ARHGAP20: variants seen among roughly 807,000 people sequenced by gnomAD.
ARHGAP20 encodes Rho GTPase activating protein 20, also known as rho GTPase-activating protein 20.
ARHGAP20 carries 34 observed loss-of-function variants against 73.7 expected under a neutral mutation model. That is an observed-to-expected ratio of 0.46 (90% CI 0.35 to 0.61). ARHGAP20 has a LOEUF of 0.61. Among genes scored for constraint, ARHGAP20 ranks in the 20% least tolerant of loss-of-function variants. The pLI, the probability that ARHGAP20 is intolerant of heterozygous loss-of-function variation, is 0.00. For synonymous variants in ARHGAP20, 523 were observed against 518.2 expected, an observed-to-expected ratio of 1.01 and a Z score of -0.13; for missense variants, 1,314 against 1,420.9, an observed-to-expected ratio of 0.92 and a Z score of 1.21.
rs147165727 is a variant in ARHGAP20, at chr11:110,584,972, A to AATATGAAT, written c.1416-1236_1416-1235insATTCATAT. Among the ~76,000 whole-genome samples the AATATGAAT allele has an allele frequency of 1.1e-3, 161 of 145,922 alleles. 1 individual carries two copies. The highest frequency in any genetic ancestry group is 3.7e-3 in the Middle Eastern group (1 of 270). ...ATATATGAATATATGTGAATATATGAATATATATGTGAAAATATATATGAA... is the reference window on the plus strand; with the variant it reads ...ATATATGAATATATGTGAATATATGAATATGAATATATATATGTGAAAATATATATGAA... On this transcript the variant is annotated intron_variant, in intron 12 of 14. Coordinates refer to ENST00000683387, the MANE Select transcript of ARHGAP20 (RefSeq NM_001384657.1).
intron 2 of ARHGAP20, among the ~76,000 whole-genome samples, chr11:110,683,949 G>C (rs537230212): frequency 6.6e-6 from 1 of 152,132 alleles, no homozygotes; most frequent in African/African-American, 2.4e-5. Flanking sequence ...CCTTATAAAA[G>C]AAGTACAAGG....
At chr11:110,650,189 T>C (rs1190343095) in intron 2 of ARHGAP20, among the ~76,000 whole-genome samples, 2 of 152,130 alleles carry the variant, frequency 1.3e-5, no homozygotes, top group African/African-American at 2.4e-5. Context: ...AGCTGGATGG[T>C]AAGCTCCTAG....
intron 4 of ARHGAP20, among the ~76,000 whole-genome samples, chr11:110,623,765 A>G (rs1948677828): frequency 6.7e-6 from 1 of 150,136 alleles, no homozygotes; most frequent in Non-Finnish European, 1.5e-5. Flanking sequence ...AAATACCTAC[A>G]TATTAAGGAA....
chr11:110,578,908 A>C lies in ARHGAP20; in HGVS notation c.*462T>G. Reference sequence around the variant, plus strand: ...TGTTCTTCATTACTGGACACACTTAATGCTTTGATTAGTGGCATTTTTCTT... The same window carrying C: ...TGTTCTTCATTACTGGACACACTTACTGCTTTGATTAGTGGCATTTTTCTT... On this transcript the variant is annotated 3_prime_UTR_variant, in exon 15 of 15. Coordinates refer to ENST00000683387, the MANE Select transcript of ARHGAP20 (RefSeq NM_001384657.1). 2.0e-6 allele frequency: 2 copies of C among 987,128 alleles called. No homozygotes were observed. Among genetic ancestry groups the C allele is most frequent in the Non-Finnish European group, 1.2e-6 (1 of 831,024 alleles). The allele number at this position is 987,128 out of a possible 1,614,324, so 61.1% of individuals were successfully genotyped here.
At chr11:110,612,929 G>A (rs993880289) in intron 6 of ARHGAP20, among the ~76,000 whole-genome samples, 2 of 152,172 alleles carry the variant, frequency 1.3e-5, no homozygotes, top group Non-Finnish European at 2.9e-5. Context: ...CTACCAGAGT[G>A]TCATAGGTAT....
chr11:110,649,737 C>T (rs1212075129), intron 2 of ARHGAP20, among the ~76,000 whole-genome samples: 2 of 152,032 alleles, frequency 1.3e-5, no homozygotes, highest in African/African-American at 4.8e-5. Flanking sequence ...CTACTTATTG[C>T]AAAGCCAGAC....
chr11:110,608,830 T>G (rs776817402), intron 8 of ARHGAP20, among the ~76,000 whole-genome samples, 154 bp downstream of exon 8: 2 of 152,186 alleles, frequency 1.3e-5, no homozygotes, highest in Non-Finnish European at 2.9e-5. Context: ...GTCTAGCACA[T>G]AGTAAATCTT....
At chr11:110,710,674 C>A (rs1950631991) in intron 1 of ARHGAP20, among the ~76,000 whole-genome samples, 1 of 152,152 alleles carries the variant, frequency 6.6e-6, no homozygotes. Flanking sequence ...ACATCAAAGG[C>A]TGAGCTGGCA....
At chr11:110,646,657 CTATT>C (rs1372814323) in intron 2 of ARHGAP20, among the ~76,000 whole-genome samples, 4 of 152,042 alleles carry the variant, frequency 2.6e-5, no homozygotes, top group African/African-American at 9.7e-5. Context: ...AGATGGTTAT[CTATT>C]TGACAAAGGG....
intron 2 of ARHGAP20, among the ~76,000 whole-genome samples, chr11:110,659,914 G>C (rs1480713621): frequency 6.6e-6 from 1 of 151,676 alleles, no homozygotes; most frequent in Non-Finnish European, 1.5e-5. Context: ...TGGGGTGGGG[G>C]GAGTGGGGAG....
intron 2 of ARHGAP20, among the ~76,000 whole-genome samples, chr11:110,681,292 G>A (rs1950031760): frequency 6.6e-6 from 1 of 152,118 alleles, no homozygotes; most frequent in Non-Finnish European, 1.5e-5. Context: ...TTTTATTTAA[G>A]TCTTATACCA....
intron 2 of ARHGAP20, among the ~76,000 whole-genome samples, chr11:110,643,845 G>A (rs150326881): frequency 6.6e-6 from 1 of 151,986 alleles, no homozygotes; most frequent in African/African-American, 2.4e-5. Flanking sequence ...ACTGTCAGTG[G>A]GGCCCTGAAG....
chr11:110,629,840 AGCCAGCAAGCTTGAGG>A (rs1196673975), intron 3 of ARHGAP20, among the ~76,000 whole-genome samples: 1 of 152,202 alleles, frequency 6.6e-6, no homozygotes, highest in Non-Finnish European at 1.5e-5. Flanking sequence ...CTTTAACCCA[AGCCAGCAAGCTTGAGG>A]GCTCTCGTGA....
chr11:110,614,745 T>C (rs943149747), intron 5 of ARHGAP20, 100 bp from the exon 6 acceptor site: 71 of 751,544 alleles, frequency 9.4e-5, no homozygotes, highest in Non-Finnish European at 1.5e-4. Flanking sequence ...ATTTCCAATA[T>C]ACTTATATGC....
At chr11:110,587,361 A>C (rs1395006372) in intron 11 of ARHGAP20, among the ~76,000 whole-genome samples, 1 of 152,238 alleles carries the variant, frequency 6.6e-6, no homozygotes, top group African/African-American at 2.4e-5. Context: ...TGCTTGCAAC[A>C]TGAGGACAGG....
At chr11:110,622,147 T>C (rs1948643213) in intron 4 of ARHGAP20, among the ~76,000 whole-genome samples, 1 of 152,202 alleles carries the variant, frequency 6.6e-6, no homozygotes. Context: ...CCTCTGGTTC[T>C]TCAGCTCAGA....
At chr11:110,649,400 C>T (rs1397471661) in intron 2 of ARHGAP20, among the ~76,000 whole-genome samples, 1 of 151,714 alleles carries the variant, frequency 6.6e-6, no homozygotes, top group African/African-American at 2.4e-5. Context: ...AACAGAAATC[C>T]TCTAAATCGA....
chr11:110,679,492 AC>A (rs2135089616), intron 2 of ARHGAP20, among the ~76,000 whole-genome samples: 1 of 152,306 alleles, frequency 6.6e-6, no homozygotes, highest in South Asian at 2.1e-4. Context: ...GATACTACTT[AC>A]TCCTCAACAG....
intron 2 of ARHGAP20, among the ~76,000 whole-genome samples, chr11:110,632,853 T>C (rs909910771): frequency 2.0e-5 from 3 of 152,224 alleles, no homozygotes; most frequent in Admixed American, 1.3e-4. Context: ...TATTGAGTTG[T>C]AGGAACTTTT....
Sources: gnomAD v4.1 joint callset for allele counts (sites outside exome capture counted in the v4.1 genomes callset) on GRCh38, gnomAD v4.1.1 for gene constraint, MANE v1.5 for transcripts, NCBI Gene and HGNC (gene_info 2026-07-23, HGNC 2026-07-21) for gene names.